FAM168A: variants seen among roughly 807,000 people sequenced by gnomAD.
The protein encoded by FAM168A is protein FAM168A.
In FAM168A, 3 loss-of-function variants were observed where a neutral mutation model predicts 28.5. That is an observed-to-expected ratio of 0.11 (90% CI 0.05 to 0.27). The LOEUF (loss-of-function observed/expected upper bound fraction) is 0.27. FAM168A is among the 10% of genes least tolerant of loss of function. The pLI is 1.00. For missense variants in FAM168A, 222 were observed against 311.5 expected (o/e 0.71, Z 2.16); for synonymous variants, 122 against 124.2 (o/e 0.98, Z 0.12).
At chr11:73,536,830 T>C (rs1943588671) in intron 1 of FAM168A, among the ~76,000 whole-genome samples, 1 of 152,232 alleles carries the variant, frequency 6.6e-6, no homozygotes, top group Non-Finnish European at 1.5e-5. Context: ...TTTATTTTCC[T>C]GATTCCAAAG....
intron 1 of FAM168A, among the ~76,000 whole-genome samples, chr11:73,492,228 A>C (rs1476438781): frequency 1.3e-5 from 2 of 152,210 alleles, no homozygotes; most frequent in African/African-American, 4.8e-5. Flanking sequence ...GGCAAGAACG[A>C]AAGATCAAGA....
At chr11:73,594,604 A>G (rs888539168) in intron 1 of FAM168A, among the ~76,000 whole-genome samples, 1 of 152,020 alleles carries the variant, frequency 6.6e-6, no homozygotes, top group Non-Finnish European at 1.5e-5. Context: ...CAATGGCGCA[A>G]TCGTGGCTCA....
chr11:73,480,355 A>G (rs1867950390), intron 1 of FAM168A, among the ~76,000 whole-genome samples: 1 of 151,810 alleles, frequency 6.6e-6, no homozygotes, highest in Non-Finnish European at 1.5e-5. Flanking sequence ...AATTATCTCT[A>G]CAGCAAATGC....
chr11:73,573,141 C>T (rs1231773643), intron 1 of FAM168A, among the ~76,000 whole-genome samples: 1 of 152,160 alleles, frequency 6.6e-6, no homozygotes, highest in African/African-American at 2.4e-5. Context: ...GCACAATAAT[C>T]GCAAGACGCA....
At chr11:73,452,526 G>C (rs1867449913) in intron 2 of FAM168A, among the ~76,000 whole-genome samples, 2 of 152,186 alleles carry the variant, frequency 1.3e-5, no homozygotes, top group Admixed American at 6.5e-5. Flanking sequence ...TGATGAAAAG[G>C]AGAGTCTGGG....
In FAM168A at chr11:73,520,415, T is replaced by C. The variant is rs189904766; in HGVS notation, c.-18-51923A>G. On this transcript the variant is annotated intron_variant, in intron 1 of 7. Transcript: ENST00000356467. ...ATATAAAACAAAATAACTCAAGTAATAAATGCTGGTACTGAATACTGTATA... is the reference window on the plus strand; with the variant it reads ...ATATAAAACAAAATAACTCAAGTAACAAATGCTGGTACTGAATACTGTATA... Among the ~76,000 whole-genome samples the C allele has an allele frequency of 3.5e-3, 529 of 152,218 alleles. 1 individual carries two copies. The highest frequency in any genetic ancestry group is 6.8e-3 in the Middle Eastern group (2 of 294).
intron 2 of FAM168A, among the ~76,000 whole-genome samples, chr11:73,436,986 C>A (rs989792037): frequency 2.0e-5 from 3 of 152,118 alleles, no homozygotes; most frequent in African/African-American, 7.2e-5. Context: ...ATCACAGGCA[C>A]TGAATTATAG....
chr11:73,403,189 A>C lies in FAM168A; in HGVS notation c.*3574T>G, dbSNP rs1866443926. The C allele has an allele frequency of 6.6e-6, 1 of 152,250 alleles. No individual in the cohort carries two copies. The highest frequency in any genetic ancestry group is 1.5e-5 in the Non-Finnish European group (1 of 68,034). The allele number at this position is 152,250 out of a possible 1,614,324, so 9.4% of individuals were successfully genotyped here. A position where few individuals can be genotyped will look rare whatever the true frequency, so the allele number is the denominator to read the frequency against. On this transcript the variant is annotated 3_prime_UTR_variant, in exon 8 of 8. Transcript: ENST00000356467. ...GGATATACATTTTAGGGTCATTGCCAGGTAAGAAAGAACAGCAACTGTCCT... is the reference window on the plus strand; with the variant it reads ...GGATATACATTTTAGGGTCATTGCCCGGTAAGAAAGAACAGCAACTGTCCT...
chr11:73,534,387 TTTTTTA>T (rs1008460991), intron 1 of FAM168A, among the ~76,000 whole-genome samples: 2 of 151,738 alleles, frequency 1.3e-5, no homozygotes, highest in Non-Finnish European at 2.9e-5. Context: ...CTTTCTTTCA[TTTTTTA>T]TTTTTATTTA....
At chr11:73,567,370 T>C (rs892145672) in intron 1 of FAM168A, among the ~76,000 whole-genome samples, 13 of 152,194 alleles carry the variant, frequency 8.5e-5, no homozygotes, top group Non-Finnish European at 1.8e-4. Flanking sequence ...GCCAGACTTG[T>C]GACTTTAAAC....
chr11:73,445,449 T>TTG (rs1647018835), intron 2 of FAM168A, among the ~76,000 whole-genome samples: 5 of 104,148 alleles, frequency 4.8e-5, no homozygotes, highest in African/African-American at 1.9e-4. Context: ...TTTTTTTTTT[T>TTG]GGTAGAGACA....
chr11:73,419,165 G>A (rs929574082), intron 4 of FAM168A, among the ~76,000 whole-genome samples: 6 of 152,178 alleles, frequency 3.9e-5, no homozygotes, highest in Non-Finnish European at 7.3e-5. Flanking sequence ...ACCACTTTGT[G>A]TTAAAAATTA....
intron 2 of FAM168A, among the ~76,000 whole-genome samples, chr11:73,450,363 G>A (rs145343314): frequency 0.012 from 1,894 of 152,314 alleles, 24 homozygotes; most frequent in South Asian, 0.023. Context: ...ATCATCCAGA[G>A]AGCTTGTAAA....
intron 1 of FAM168A, among the ~76,000 whole-genome samples, chr11:73,570,881 T>C (rs1944078215): frequency 6.6e-6 from 1 of 152,204 alleles, no homozygotes; most frequent in African/African-American, 2.4e-5. Context: ...GACTGGGGCC[T>C]ATGGAAACCC....
chr11:73,443,156 G>T (rs1867235501), intron 2 of FAM168A, among the ~76,000 whole-genome samples: 1 of 151,116 alleles, frequency 6.6e-6, no homozygotes, highest in Non-Finnish European at 1.5e-5. Flanking sequence ...CCCTTTCCCA[G>T]TGCTATAATT....
chr11:73,499,346 C>T (rs1437854750), intron 1 of FAM168A, among the ~76,000 whole-genome samples: 3 of 152,086 alleles, frequency 2.0e-5, no homozygotes, highest in Non-Finnish European at 2.9e-5. Context: ...CAAAAAAAGG[C>T]TCCCACAAAA....
At chr11:73,561,933 A>C (rs1590730455) in intron 1 of FAM168A, among the ~76,000 whole-genome samples, 1 of 152,128 alleles carries the variant, frequency 6.6e-6, no homozygotes, top group East Asian at 1.9e-4. Flanking sequence ...TTAAAACATT[A>C]CAGGAGGATT....
chr11:73,563,419 T>C (rs1330107670), intron 1 of FAM168A, among the ~76,000 whole-genome samples: 2 of 152,228 alleles, frequency 1.3e-5, no homozygotes, highest in Admixed American at 6.5e-5. Flanking sequence ...AATAAACGTA[T>C]GCAATAAACT....
intron 1 of FAM168A, chr11:73,580,323 T>C (rs1441642113): frequency 1.7e-6 from 1 of 572,478 alleles, no homozygotes; most frequent in South Asian, 1.4e-5. Flanking sequence ...ACAGAGAAGA[T>C]CCACAAGGTT....
Sources: gnomAD v4.1 joint callset for allele counts (sites outside exome capture counted in the v4.1 genomes callset) on GRCh38, gnomAD v4.1.1 for gene constraint, MANE v1.5 for transcripts, NCBI Gene and HGNC (gene_info 2026-07-23, HGNC 2026-07-21) for gene names.